The following VDAC1 variants were observed in gnomAD, a reference collection of about 807,000 sequenced individuals.
VDAC1 encodes non-selective voltage-gated ion channel VDAC1.
VDAC1 carries 10 observed loss-of-function variants against 34.7 expected under a neutral mutation model. The ratio of observed to expected loss-of-function variants is 0.29; its 90% confidence interval spans 0.18 to 0.49. The LOEUF is 0.49. VDAC1 is among the 20% of genes least tolerant of loss of function. The pLI is 0.99. For synonymous variants in VDAC1, 130 were observed against 136.0 expected, an observed-to-expected ratio of 0.96 and a Z score of 0.30; for missense variants, 230 against 347.9, an observed-to-expected ratio of 0.66 and a Z score of 2.69.
At chr5:133,977,426 A>G (rs1752522094) in intron 6 of VDAC1, among the ~76,000 whole-genome samples, 1 of 152,206 alleles carries the variant, frequency 6.6e-6, no homozygotes, top group Admixed American at 6.5e-5. Context: ...AACACACTGA[A>G]TGACTCCAGT....
chr5:134,109,416 C>T, the VDAC1 span, among the ~76,000 whole-genome samples: 63 of 152,242 alleles, frequency 4.1e-4, no homozygotes, highest in Non-Finnish European at 7.5e-4. Flanking sequence ...GCATTTGTGA[C>T]GCCGCTTGTC....
the VDAC1 span, among the ~76,000 whole-genome samples, chr5:134,084,986 A>G: frequency 6.6e-6 from 1 of 152,100 alleles, no homozygotes; most frequent in Non-Finnish European, 1.5e-5. Context: ...TCACCTCTCT[A>G]CCTCACAGGC....
chr5:134,098,800 G>A, the VDAC1 span, among the ~76,000 whole-genome samples: 1 of 152,256 alleles, frequency 6.6e-6, no homozygotes, highest in East Asian at 1.9e-4. Context: ...CTCCCAGAGG[G>A]TTGAGTCACC....
At chr5:133,983,817 G>C (rs543570644) in intron 5 of VDAC1, among the ~76,000 whole-genome samples, 1 of 152,098 alleles carries the variant, frequency 6.6e-6, no homozygotes, top group Non-Finnish European at 1.5e-5. Context: ...GATTGGTGCT[G>C]TCCTCCCAAT....
chr5:134,014,937 T>C, the VDAC1 span, among the ~76,000 whole-genome samples: 3 of 152,080 alleles, frequency 2.0e-5, no homozygotes, highest in Non-Finnish European at 4.4e-5. Flanking sequence ...TGATTCACAA[T>C]AGCAGAGACA....
intron 5 of VDAC1, among the ~76,000 whole-genome samples, chr5:133,990,620 T>C (rs1561591641): frequency 6.6e-6 from 1 of 152,140 alleles, no homozygotes; most frequent in Admixed American, 6.5e-5. Context: ...TTAGAAATCG[T>C]TTGTTGGGTA....
At chr5:134,045,110 C>G in the VDAC1 span, among the ~76,000 whole-genome samples, 1 of 152,234 alleles carries the variant, frequency 6.6e-6, no homozygotes, top group Non-Finnish European at 1.5e-5. Flanking sequence ...TCCAAAGCCA[C>G]AGTGGACAAA....
At chr5:134,001,815 G>A (rs563856265) in intron 1 of VDAC1, among the ~76,000 whole-genome samples, 1 of 151,838 alleles carries the variant, frequency 6.6e-6, no homozygotes, top group South Asian at 2.1e-4. Context: ...CTGTGTTATG[G>A]GCCTAAGCTA....
chr5:134,006,106 C>G (rs973526968), upstream of VDAC1, among the ~76,000 whole-genome samples: 1 of 152,118 alleles, frequency 6.6e-6, no homozygotes, highest in Non-Finnish European at 1.5e-5. Context: ...GGGGTGCAGA[C>G]AGGTTACCTA....
the VDAC1 span, among the ~76,000 whole-genome samples, chr5:134,099,126 G>T: frequency 6.6e-6 from 1 of 152,286 alleles, no homozygotes; most frequent in South Asian, 2.1e-4. Context: ...GGCAGGAAAG[G>T]CAGGACTCAT....
Position 133,992,287 on chromosome 5 carries a change from T to C in VDAC1, c.117+19A>G. 2 of 1,527,542 alleles carry C rather than the reference T, an allele frequency of 1.3e-6. No individual in the cohort carries two copies. Among genetic ancestry groups the C allele is most frequent in the Non-Finnish European group, 1.8e-6 (2 of 1,139,490 alleles). 94.6% of individuals were successfully genotyped at this position (1,527,542 alleles called of 1,614,324 possible). On this transcript the variant is annotated intron_variant, in intron 3 of 8. Transcript: ENST00000265333. ...AAAATAAATAAATACTCATGTTCCA[T>C]GTGGGTTGGACAACTTACCAATCCA...
chr5:134,077,674 A>G, the VDAC1 span, among the ~76,000 whole-genome samples: 10 of 152,300 alleles, frequency 6.6e-5, no homozygotes, highest in East Asian at 1.2e-3. Context: ...GGTACTTTCC[A>G]TTGTACAGAA....
the VDAC1 span, among the ~76,000 whole-genome samples, chr5:134,107,403 A>C: frequency 6.6e-6 from 1 of 152,174 alleles, no homozygotes; most frequent in African/African-American, 2.4e-5. Flanking sequence ...AGCCGAGATG[A>C]AATCTCTCTG....
the VDAC1 span, among the ~76,000 whole-genome samples, chr5:134,061,167 C>CTTTTTTTTTTTTT: frequency 7.9e-6 from 1 of 127,094 alleles, no homozygotes; most frequent in Non-Finnish European, 1.7e-5. Flanking sequence ...ATCTAGCCTC[C>CTTTTTTTTTTTTT]TTTTTTTTTT....
chr5:134,020,980 A>T, the VDAC1 span, among the ~76,000 whole-genome samples: 845 of 144,094 alleles, frequency 5.9e-3, 7 homozygotes, highest in African/African-American at 0.021. Context: ...CAACATAAGG[A>T]GACCTTGTCT....
the VDAC1 span, among the ~76,000 whole-genome samples, chr5:134,055,753 T>TCC: frequency 6.7e-6 from 1 of 150,190 alleles, no homozygotes; most frequent in Non-Finnish European, 1.5e-5. Flanking sequence ...AATTGTCTTT[T>TCC]TTTCTTTAAA....
chr5:134,001,384 A>C (rs1332633233), intron 1 of VDAC1, among the ~76,000 whole-genome samples: 1 of 152,148 alleles, frequency 6.6e-6, no homozygotes, highest in African/African-American at 2.4e-5. Context: ...CAAGCCCTCA[A>C]TCAGCAATCA....
At chr5:134,065,657 C>G in the VDAC1 span, among the ~76,000 whole-genome samples, 1 of 151,734 alleles carries the variant, frequency 6.6e-6, no homozygotes, top group Non-Finnish European at 1.5e-5. Context: ...GTTTTAACTT[C>G]TAGTTTTATT....
chr5:134,050,997 T>C, the VDAC1 span, among the ~76,000 whole-genome samples: 996 of 152,310 alleles, frequency 6.5e-3, 4 homozygotes, highest in Non-Finnish European at 0.011. Flanking sequence ...GAGTTGGCAG[T>C]GTATTAGGCC....
Sources: allele counts gnomAD v4.1 joint callset (sites outside exome capture counted in the v4.1 genomes callset), GRCh38; gene constraint gnomAD v4.1.1; transcripts MANE v1.5; gene names NCBI Gene and HGNC (gene_info 2026-07-23, HGNC 2026-07-21).